The following LRRC4C variants were observed in gnomAD, a reference collection of about 807,000 sequenced individuals.
LRRC4C encodes leucine rich repeat containing 4C, also known as leucine-rich repeat-containing protein 4C.
Under a neutral mutation model 33.6 loss-of-function variants are expected in LRRC4C, and 5 were observed. The observed-to-expected ratio is 0.15, with a 90% CI of 0.08 to 0.31. The LOEUF (loss-of-function observed/expected upper bound fraction) is 0.31, where lower values mean the gene tolerates loss of function less well. Ranked by LOEUF, LRRC4C falls within the 10% of genes least tolerant of loss-of-function variation. The probability of loss-of-function intolerance (pLI) is 1.00; values close to 1 mark genes in which losing one functional copy is unlikely to be tolerated. For synonymous variants in LRRC4C, 329 were observed against 302.0 expected, an observed-to-expected ratio of 1.09 and a Z score of -0.93; for missense variants, 560 against 796.7, an observed-to-expected ratio of 0.70 and a Z score of 3.58.
chr11:40,469,100 A>G (rs1183505009), intron 3 of LRRC4C, among the ~76,000 whole-genome samples: 3 of 152,214 alleles, frequency 2.0e-5, no homozygotes, highest in Non-Finnish European at 4.4e-5. Context: ...AAGATGGCTG[A>G]ATAGGAACAG....
At chr11:40,373,497 C>T (rs1012269975) in intron 3 of LRRC4C, among the ~76,000 whole-genome samples, 3 of 151,794 alleles carry the variant, frequency 2.0e-5, no homozygotes, top group Admixed American at 2.0e-4. Context: ...AGGAAATGAA[C>T]AATAAATTTA....
intron 2 of LRRC4C, among the ~76,000 whole-genome samples, chr11:40,877,694 T>A (rs1954973286): frequency 6.6e-6 from 1 of 152,162 alleles, no homozygotes; most frequent in South Asian, 2.1e-4. Flanking sequence ...AAGAATGATG[T>A]TCTCAGTGCA....
chr11:40,553,277 CAAACAA>C (rs987470369), intron 3 of LRRC4C, among the ~76,000 whole-genome samples: 2 of 95,226 alleles, frequency 2.1e-5, no homozygotes, highest in African/African-American at 7.2e-5. Context: ...GTCTAAAAAA[CAAACAA>C]AAACAAACAA....
At chr11:40,733,406 C>T (rs1947706109) in intron 2 of LRRC4C, among the ~76,000 whole-genome samples, 2 of 151,956 alleles carry the variant, frequency 1.3e-5, no homozygotes, top group Admixed American at 1.3e-4. Flanking sequence ...GGAGTTTTTG[C>T]CATATATCTT....
At chr11:40,151,916 T>A (rs746624790) in intron 5 of LRRC4C, among the ~76,000 whole-genome samples, 14 of 152,204 alleles carry the variant, frequency 9.2e-5, no homozygotes, top group Non-Finnish European at 1.6e-4. Flanking sequence ...TAATTTCAGC[T>A]TCAAAATTTA....
chr11:40,799,851 C>T (rs1417474816), intron 2 of LRRC4C, among the ~76,000 whole-genome samples: 1 of 152,180 alleles, frequency 6.6e-6, no homozygotes, highest in African/African-American at 2.4e-5. Context: ...AAAAAGATGA[C>T]AAGTCCTGCA....
chr11:40,462,543 A>G (rs1477020095), intron 3 of LRRC4C, among the ~76,000 whole-genome samples: 4 of 152,148 alleles, frequency 2.6e-5, no homozygotes, highest in African/African-American at 9.6e-5. Flanking sequence ...TTGTAAACCT[A>G]TTGAGATAAG....
intron 2 of LRRC4C, among the ~76,000 whole-genome samples, chr11:40,866,953 G>A (rs757711981): frequency 5.7e-4 from 86 of 151,556 alleles, no homozygotes; most frequent in Admixed American, 1.8e-3. Flanking sequence ...TTGTTCCTTC[G>A]TCTTTCCTCA....
chr11:40,798,919 C>T (rs1178680273), intron 2 of LRRC4C, among the ~76,000 whole-genome samples: 5 of 152,124 alleles, frequency 3.3e-5, no homozygotes, highest in East Asian at 1.9e-4. Flanking sequence ...GCTGGGATTA[C>T]GAGCGTGAGC....
At chr11:40,782,405 A>G (rs1950245151) in intron 2 of LRRC4C, among the ~76,000 whole-genome samples, 1 of 150,594 alleles carries the variant, frequency 6.6e-6, no homozygotes, top group Admixed American at 6.6e-5. Flanking sequence ...ATTATCTCCT[A>G]GTCTTCTCTG....
intron 1 of LRRC4C, among the ~76,000 whole-genome samples, chr11:40,964,365 T>A (rs910016305): frequency 1.4e-4 from 21 of 151,864 alleles, no homozygotes; most frequent in Non-Finnish European, 3.1e-4. Flanking sequence ...AGGGTAGTTT[T>A]TTTTTAATTT....
chr11:40,432,517 C>T (rs372242180), intron 3 of LRRC4C, among the ~76,000 whole-genome samples: 7 of 152,224 alleles, frequency 4.6e-5, no homozygotes, highest in South Asian at 2.1e-4. Flanking sequence ...AGTTTCTGTC[C>T]GAAAACTACT....
At chr11:40,289,053 G>A (rs567761446) in intron 4 of LRRC4C, among the ~76,000 whole-genome samples, 8 of 152,282 alleles carry the variant, frequency 5.3e-5, no homozygotes, top group Admixed American at 3.3e-4. Context: ...ATAATGCACA[G>A]TTTCTAGTAT....
At chr11:41,459,145 G>A (rs868373298) in intron 1 of LRRC4C, among the ~76,000 whole-genome samples, 1 of 152,008 alleles carries the variant, frequency 6.6e-6, no homozygotes, top group South Asian at 2.1e-4. Context: ...GGAGAAAGGC[G>A]GAATTATTTT....
chr11:40,224,788 A>G lies in LRRC4C; in HGVS notation c.-96+16731T>C, dbSNP rs146680254. Among the ~76,000 whole-genome samples, 1,253 of 152,342 alleles carry G rather than the reference A, an allele frequency of 8.2e-3. 12 individuals are homozygous for G. The highest frequency in any genetic ancestry group is 0.014 in the Non-Finnish European group (980 of 68,028). On this transcript the variant is annotated intron_variant, in intron 5 of 6. Coordinates refer to ENST00000528697, the MANE Select transcript of LRRC4C (RefSeq NM_001258419.2). ...ATGTTATTCTTAATTGGAGTCATCA[A>G]TGACACAATAAAGACTTGTGATATC...
chr11:41,315,996 C>A (rs1950774869), intron 1 of LRRC4C, among the ~76,000 whole-genome samples: 1 of 152,086 alleles, frequency 6.6e-6, no homozygotes, highest in Middle Eastern at 3.4e-3. Context: ...TATTTCTTTT[C>A]CCCTAAATAA....
At chr11:40,716,299 T>C (rs761791270) in intron 2 of LRRC4C, among the ~76,000 whole-genome samples, 16 of 152,140 alleles carry the variant, frequency 1.1e-4, no homozygotes, top group Non-Finnish European at 2.4e-4. Context: ...GTATTCTTCA[T>C]AGTTTACACA....
intron 1 of LRRC4C, among the ~76,000 whole-genome samples, chr11:41,373,554 A>C (rs531967948): frequency 1.1e-4 from 17 of 152,298 alleles, no homozygotes; most frequent in Non-Finnish European, 1.9e-4. Flanking sequence ...AAGTTTTGAC[A>C]GGATTGCTTC....
At chr11:40,579,620 G>T (rs1406592882) in intron 3 of LRRC4C, among the ~76,000 whole-genome samples, 1 of 152,116 alleles carries the variant, frequency 6.6e-6, no homozygotes, top group Non-Finnish European at 1.5e-5. Context: ...CAAAAATGTT[G>T]TCTGTTGCCT....
Sources: gnomAD v4.1 joint callset for allele counts (sites outside exome capture counted in the v4.1 genomes callset) on GRCh38, gnomAD v4.1.1 for gene constraint, MANE v1.5 for transcripts, NCBI Gene and HGNC (gene_info 2026-07-23, HGNC 2026-07-21) for gene names.